The following TRPC1 variants were observed in gnomAD, a reference collection of about 807,000 sequenced individuals.
The protein encoded by TRPC1 is transient receptor potential cation channel subfamily C member 1, also known as short transient receptor potential channel 1.
A neutral mutation model predicts 88.2 loss-of-function variants in TRPC1; 42 were observed. The ratio of observed to expected loss-of-function variants is 0.48; its 90% CI spans 0.37 to 0.62. The LOEUF (loss-of-function observed/expected upper bound fraction) is 0.62. Among genes scored for constraint, TRPC1 ranks in the 20% least tolerant of loss-of-function variants. The probability of loss-of-function intolerance (pLI) is 0.00; values close to 1 mark genes in which losing one functional copy is unlikely to be tolerated. For synonymous variants in TRPC1, 288 were observed against 331.8 expected, an observed-to-expected ratio of 0.87 and a Z score of 1.43; for missense variants, 699 against 957.3, an observed-to-expected ratio of 0.73 and a Z score of 3.56.
intron 2 of TRPC1, among the ~76,000 whole-genome samples, chr3:142,742,341 G>A (rs1934383572): frequency 6.6e-6 from 1 of 152,118 alleles, no homozygotes. Flanking sequence ...AACCCTGAAA[G>A]TTTTAAGAGA....
At chr3:142,762,507 C>T (rs1417603851) in intron 4 of TRPC1, among the ~76,000 whole-genome samples, 2 of 148,676 alleles carry the variant, frequency 1.3e-5, no homozygotes, top group African/African-American at 2.5e-5. Context: ...TCGGCCACTG[C>T]AACCTCCACC....
intron 5 of TRPC1, among the ~76,000 whole-genome samples, chr3:142,780,330 CACT>C (rs1560111459): frequency 6.6e-6 from 1 of 152,054 alleles, no homozygotes; most frequent in East Asian, 1.9e-4. Context: ...CTCAAATGAG[CACT>C]TTAAATATGA....
rs183406853 is a variant in TRPC1 at position 142,733,282 on chromosome 3, C to T, written c.173-3097C>T. Among the ~76,000 whole-genome samples, 101 of 152,190 alleles carry T rather than the reference C, an allele frequency of 6.6e-4. 1 individual carries two copies. The highest frequency in any genetic ancestry group is 3.4e-3 in the Middle Eastern group (1 of 294). ...ATCTCAGCACTTTGGGAGGCCAAGG[C>T]GGGCAGATCACTTGAGGTCAGGAGT... On this transcript the variant is annotated intron_variant, in intron 1 of 12. Coordinates refer to ENST00000476941, the MANE Select transcript of TRPC1 (RefSeq NM_001251845.2).
intron 7 of TRPC1, among the ~76,000 whole-genome samples, chr3:142,789,502 A>C (rs1037953807): frequency 1.2e-4 from 18 of 152,198 alleles, no homozygotes; most frequent in African/African-American, 4.1e-4. Context: ...CTGCATAATT[A>C]AGATGTTTTG....
Position 142,771,607 on chromosome 3 carries a change from T to C in TRPC1, c.633-6025T>C, listed in dbSNP as rs1935581856. ...TAATATTACTAACCCAAGAAAATATTGTTATAATTATTACTTTACCATCTC... is the reference window on the plus strand; with the variant it reads ...TAATATTACTAACCCAAGAAAATATCGTTATAATTATTACTTTACCATCTC... On this transcript the variant is annotated intron_variant, in intron 4 of 12. Transcript: ENST00000476941. Among the ~76,000 whole-genome samples, 3 of 152,226 alleles carry C rather than the reference T, an allele frequency of 2.0e-5. No homozygotes were observed. The South Asian group carries it at 6.2e-4, about 31-fold the overall frequency.
intron 1 of TRPC1, among the ~76,000 whole-genome samples, chr3:142,726,416 A>G (rs904811035): frequency 1.3e-5 from 2 of 152,184 alleles, no homozygotes; most frequent in African/African-American, 4.8e-5. Context: ...GTACCAGGTG[A>G]AATACCTTGA....
At chr3:142,762,428 ATT>A (rs755194552) in intron 4 of TRPC1, among the ~76,000 whole-genome samples, 29 of 103,640 alleles carry the variant, frequency 2.8e-4, no homozygotes, top group Middle Eastern at 6.7e-3. Flanking sequence ...TTTATTCTTG[ATT>A]TTTTTTTTTT....
intron 9 of TRPC1, among the ~76,000 whole-genome samples, chr3:142,798,395 A>G (rs1936516189): frequency 6.6e-6 from 1 of 152,226 alleles, no homozygotes; most frequent in Non-Finnish European, 1.5e-5. Flanking sequence ...CATAAATACT[A>G]GTATGAAGTC....
chr3:142,730,621 C>A (rs199718936), intron 1 of TRPC1, among the ~76,000 whole-genome samples: 4 of 110,908 alleles, frequency 3.6e-5, no homozygotes, highest in African/African-American at 1.4e-4. Context: ...TTTTTTTTTT[C>A]CTTTTTAAAA....
chr3:142,742,020 G>A lies in TRPC1; in HGVS notation c.328-1465G>A, dbSNP rs529829326. 3.9e-5 allele frequency among the ~76,000 whole-genome samples: 6 copies of A among 151,944 alleles called. No homozygotes were observed. In the South Asian group the frequency reaches 6.2e-4, roughly 16 times the overall value. Reference sequence around the variant, plus strand: ...TTTACTAAAAATACAAAAATTAGCCGGGTATGGTGGCATGCACCTGTAGTC... The same window carrying A: ...TTTACTAAAAATACAAAAATTAGCCAGGTATGGTGGCATGCACCTGTAGTC... On this transcript the variant is annotated intron_variant, in intron 2 of 12. Coordinates refer to ENST00000476941, the MANE Select transcript of TRPC1 (RefSeq NM_001251845.2).
intron 1 of TRPC1, among the ~76,000 whole-genome samples, chr3:142,736,030 C>T (rs1416829863): frequency 1.3e-5 from 2 of 151,990 alleles, no homozygotes; most frequent in East Asian, 3.9e-4. Context: ...TCTAATTTTT[C>T]TAGTGTCCAG....
At chr3:142,773,594 TTTCC>T (rs932247777) in intron 4 of TRPC1, among the ~76,000 whole-genome samples, 1 of 149,134 alleles carries the variant, frequency 6.7e-6, no homozygotes, top group Non-Finnish European at 1.5e-5. Context: ...TTTTTTTTTT[TTTCC>T]TTTAGGGGGT....
At position 142,804,068 on chromosome 3, in the gene TRPC1, C is replaced by G; in HGVS notation, c.1849C>G (p.Leu617Val). Residue 617 changes from leucine (L) to valine (V), a missense_variant, in exon 11 of 13, where the codon CTG (leucine) becomes GTG (valine). Physicochemically the swap from Leu to Val is conservative, Grantham distance 32 (BLOSUM62 1). This residue lies in a region of TRPC1 where 426 missense variants were observed against 641.3 expected (regional missense o/e 0.66). Transcript: ENST00000476941. ...FVTRFSYGEE[L>V]QSFVGAVIVG... ...CACAAGATTTAGCTATGGAGAAGAA[C>G]TGCAGTCCTTTGTGGGAGCTGTCAT... The G allele has an allele frequency of 6.2e-7, 1 of 1,613,860 alleles. No homozygotes were observed. The highest frequency in any genetic ancestry group is 1.1e-5 in the South Asian group (1 of 91,082).
rs540200854 is a variant in TRPC1, at chr3:142,806,685, A to ATTGT, written c.*453_*456dup. ...GGAGTTCACATATAGTTCAGCATTT[A>ATTGT]TTGTTTAGGAGTATAATTTTATTTT... is the stretch of plus-strand genomic sequence containing the variant. On this transcript the variant is annotated 3_prime_UTR_variant, in exon 13 of 13. Transcript: ENST00000476941. 6.6e-6 allele frequency: 1 copy of ATTGT among 152,176 alleles called. No homozygotes were observed. Among genetic ancestry groups the ATTGT allele is most frequent in the Admixed American group, 6.5e-5 (1 of 15,278 alleles). 9.4% of individuals were successfully genotyped at this position (152,176 alleles called of 1,614,324 possible). A position where few individuals can be genotyped will look rare whatever the true frequency, so the allele number is the denominator to read the frequency against.
intron 4 of TRPC1, among the ~76,000 whole-genome samples, chr3:142,771,069 G>C (rs1935559715): frequency 6.6e-6 from 1 of 152,104 alleles, no homozygotes; most frequent in Admixed American, 6.5e-5. Flanking sequence ...TTGTGGGAAT[G>C]AATACAGCAA....
In TRPC1 at chr3:142,748,239, T is replaced by C; in HGVS notation, c.430-19T>C. On this transcript the variant is annotated intron_variant, in intron 3 of 12. Coordinates refer to ENST00000476941, the MANE Select transcript of TRPC1 (RefSeq NM_001251845.2). The stretch of plus-strand genomic sequence containing the variant: ...AGTCACAAATAATAACTTTGGACAT[T>C]TATATAAATATTTTTCAGAAACTAA... The C allele has an allele frequency of 1.3e-6, 2 of 1,594,422 alleles. No individual in the cohort carries two copies. The highest frequency in any genetic ancestry group is 2.2e-5 in the South Asian group (2 of 89,618).
chr3:142,791,282 A>G (rs1936288646), intron 8 of TRPC1, 124 bp downstream of exon 8: 1 of 828,042 alleles, frequency 1.2e-6, no homozygotes. Context: ...TTTCATTTTA[A>G]GCCTATCTGT....
Position 142,767,711 on chromosome 3 carries a change from G to A in TRPC1, c.633-9921G>A, listed in dbSNP as rs79404242. Among the ~76,000 whole-genome samples, 45 of 151,396 alleles carry A rather than the reference G, an allele frequency of 3.0e-4. No individual in the cohort carries two copies. The East Asian group carries it at 8.3e-3, about 28-fold the overall frequency. ...TCAAAAAGAAACCCTATATTCATTA[G>A]CAGTCACTCTCCCAGCTGGTGGCAA... On this transcript the variant is annotated intron_variant, in intron 4 of 12. Transcript: ENST00000476941. The surrounding 1 kb of genome is among the most constrained non-coding windows in gnomAD (Gnocchi z 5.1).
Position 142,795,759 on chromosome 3 carries a change from T to C in TRPC1, c.1581+2792T>C, listed in dbSNP as rs1936431473. Among the ~76,000 whole-genome samples the C allele has an allele frequency of 2.0e-5, 3 of 151,990 alleles. No individual in the cohort carries two copies. The South Asian group carries it at 6.2e-4, about 31-fold the overall frequency. On this transcript the variant is annotated intron_variant, in intron 9 of 12. Transcript: ENST00000476941. ...GAAGGACTACAGTAACATAGGGGAATATGGATCTAAACAGAAGAATGAACA... is the reference window on the plus strand; with the variant it reads ...GAAGGACTACAGTAACATAGGGGAACATGGATCTAAACAGAAGAATGAACA...
Sources: gnomAD v4.1 joint callset for allele counts (sites outside exome capture counted in the v4.1 genomes callset) on GRCh38, gnomAD v4.1.1 for gene constraint, gnomAD v4.1.1 regional missense constraint, Gnocchi (gnomAD v3.1) non-coding constraint, MANE v1.5 for transcripts, NCBI Gene and HGNC (gene_info 2026-07-23, HGNC 2026-07-21) for gene names.